ENTPD6: variants seen among roughly 807,000 people sequenced by gnomAD.
ENTPD6 encodes ectonucleoside triphosphate diphosphohydrolase 6, also known as CD39 antigen-like 2.
A neutral mutation model predicts 61.5 loss-of-function variants in ENTPD6; 46 were observed. That is an observed-to-expected ratio of 0.75 (90% CI 0.59 to 0.96). The LOEUF is 0.96. ENTPD6 is among the 40% of genes least tolerant of loss of function. The probability of loss-of-function intolerance (pLI) is 0.00; values close to 1 mark genes in which losing one functional copy is unlikely to be tolerated. For synonymous variants in ENTPD6, 252 were observed against 255.5 expected, an observed-to-expected ratio of 0.99 and a Z score of 0.13; for missense variants, 612 against 629.0, an observed-to-expected ratio of 0.97 and a Z score of 0.29.
In ENTPD6 at chr20:25,225,588, A is replaced by G. The variant is rs1340395840; in HGVS notation, c.1446A>G (p.Pro482=). 2 of 1,613,906 alleles carry G rather than the reference A, an allele frequency of 1.2e-6. No homozygotes were observed. Among genetic ancestry groups the G allele is most frequent in the South Asian group, 1.1e-5 (1 of 91,050 alleles). Residue 482 remains proline (P), a synonymous_variant, in exon 15 of 15, where the codon CCA becomes CCG. Transcript: ENST00000376652. The stretch of plus-strand genomic sequence containing the variant: ...ACTCCCTGAACAGACAGAAGAGTCC[A>G]GCCTCATAGTGGCCGAGCCATCCCT... The part of the protein sequence containing the change: ...YIDSLNRQKS[P]AS
At chr20:25,196,019 C>T (rs1040176431) in intron 1 of ENTPD6, 152 bp downstream of exon 1, 4 of 822,006 alleles carry the variant, frequency 4.9e-6, no homozygotes, top group South Asian at 6.2e-5. Flanking sequence ...GTCCAGGCTC[C>T]ATTAGGGCTC....
At chr20:25,212,805 A>G (rs1413011938) in intron 4 of ENTPD6, among the ~76,000 whole-genome samples, 1 of 152,194 alleles carries the variant, frequency 6.6e-6, no homozygotes, top group African/African-American at 2.4e-5. Context: ...TCCTGGGTTC[A>G]TGCCATTCTC....
intron 4 of ENTPD6, among the ~76,000 whole-genome samples, chr20:25,210,226 A>G (rs1213314214): frequency 6.6e-6 from 1 of 152,260 alleles, no homozygotes. Context: ...ACTTACAAAA[A>G]TCATTATTTG....
At chr20:25,221,467 CTGGAAGTGAAGGTGGTT>C in intron 11 of ENTPD6, 134 bp downstream of exon 11, 1 of 743,212 alleles carries the variant, frequency 1.3e-6, no homozygotes, top group South Asian at 1.5e-5. Context: ...TGTACCTGCC[CTGGAAGTGAAGGTGGTT>C]TGGCTGCAGG....
intron 1 of ENTPD6, among the ~76,000 whole-genome samples, chr20:25,198,277 A>G (rs1002374881): frequency 6.6e-6 from 1 of 152,278 alleles, no homozygotes; most frequent in Admixed American, 6.5e-5. Context: ...GGAGTTCGAG[A>G]CCAGCCTGGC....
rs189754014 is a variant in ENTPD6 at position 25,227,032 on chromosome 20, G to A, written c.*1435G>A. Among the ~76,000 whole-genome samples the A allele has an allele frequency of 2.8e-4, 43 of 152,366 alleles. No individual in the cohort carries two copies. The highest frequency in any genetic ancestry group is 2.3e-3 in the Admixed American group (35 of 15,310). On this transcript the variant is annotated 3_prime_UTR_variant, in exon 15 of 15. Transcript: ENST00000376652. ...GAGCTGCAAGTCCCCATGTCATTCT[G>A]TTCAGCAAGGATCTGGTTTTGGTCT...
intron 1 of ENTPD6, among the ~76,000 whole-genome samples, chr20:25,200,728 TG>T (rs1418817630): frequency 6.6e-6 from 1 of 152,184 alleles, no homozygotes; most frequent in Non-Finnish European, 1.5e-5. Flanking sequence ...TGTTGATTTT[TG>T]AAGAATCAAA....
intron 7 of ENTPD6, 107 bp downstream of exon 7, chr20:25,215,818 C>CTGAGGGGTTAT: frequency 1.6e-6 from 2 of 1,242,854 alleles, no homozygotes; most frequent in Non-Finnish European, 1.2e-6. Context: ...TAAGATAACC[C>CTGAGGGGTTAT]CTCAGGGTTT....
At chr20:25,205,102 A>G (rs897220046) in intron 1 of ENTPD6, among the ~76,000 whole-genome samples, 1 of 152,034 alleles carries the variant, frequency 6.6e-6, no homozygotes, top group Admixed American at 6.6e-5. Flanking sequence ...AGCCTCTTCC[A>G]TTCTAGAGAA....
Position 25,226,959 on chromosome 20 carries a change from A to G in ENTPD6, c.*1362A>G, listed in dbSNP as rs2092807421. 6.6e-6 allele frequency among the ~76,000 whole-genome samples: 1 copy of G among 152,250 alleles called. No individual in the cohort carries two copies. The highest frequency in any genetic ancestry group is 2.4e-5 in the African/African-American group (1 of 41,464). On this transcript the variant is annotated 3_prime_UTR_variant, in exon 15 of 15. Coordinates refer to ENST00000376652, the MANE Select transcript of ENTPD6 (RefSeq NM_001247.5). ...AGCACAGCTCCTCCTGTGCCAGGCC[A>G]GCAGCCCACAGCACGGCCAGGTGAG...
intron 4 of ENTPD6, among the ~76,000 whole-genome samples, chr20:25,211,291 T>C (rs2091943194): frequency 6.6e-6 from 1 of 152,240 alleles, no homozygotes; most frequent in South Asian, 2.1e-4. Flanking sequence ...TAGAGTGACC[T>C]TACAGTTAAA....
At chr20:25,197,271 A>G in intron 1 of ENTPD6, 7 of 981,944 alleles carry the variant, frequency 7.1e-6, no homozygotes, top group Non-Finnish European at 8.5e-6. Context: ...GGGACAGGGT[A>G]GCTCCTACCA....
chr20:25,224,071 C>A (rs771418901), intron 12 of ENTPD6, 30 bp from the exon 13 acceptor site: 2 of 1,606,198 alleles, frequency 1.2e-6, no homozygotes, highest in South Asian at 1.1e-5. Context: ...TCACAGTGCT[C>A]CTGCAGACTG....
chr20:25,216,759 G>T, intron 8 of ENTPD6, 23 bp downstream of exon 8: 1 of 1,560,384 alleles, frequency 6.4e-7, no homozygotes, highest in Non-Finnish European at 8.7e-7. Context: ...GCCGACCACA[G>T]CGCTCTTTCC....
intron 12 of ENTPD6, 82 bp from the exon 13 acceptor site, chr20:25,224,019 C>A: frequency 7.4e-7 from 1 of 1,352,656 alleles, no homozygotes; most frequent in Non-Finnish European, 1.0e-6. Flanking sequence ...CTTGGGCTGG[C>A]GTTCCCCGTG....
At chr20:25,222,227 C>A (rs6037061) in intron 11 of ENTPD6, 2 of 153,086 alleles carry the variant, frequency 1.3e-5, no homozygotes, top group Non-Finnish European at 2.9e-5. Flanking sequence ...GAAATGAGAT[C>A]GAAGGGTTGG....
At chr20:25,209,694 G>A (rs1433290147) in intron 3 of ENTPD6, among the ~76,000 whole-genome samples, 155 bp from the exon 4 acceptor site, 1 of 152,158 alleles carries the variant, frequency 6.6e-6, no homozygotes, top group Admixed American at 6.5e-5. Flanking sequence ...TGAACAAAGA[G>A]TCAGAATTTA....
chr20:25,206,099 C>T (rs1241741329), intron 1 of ENTPD6, among the ~76,000 whole-genome samples: 1 of 152,238 alleles, frequency 6.6e-6, no homozygotes, highest in Non-Finnish European at 1.5e-5. Flanking sequence ...CCCACAGTCA[C>T]GAGGGGCTCT....
At chr20:25,208,646 A>G (rs1191944500) in intron 3 of ENTPD6, among the ~76,000 whole-genome samples, 3 of 152,166 alleles carry the variant, frequency 2.0e-5, no homozygotes, top group Non-Finnish European at 2.9e-5. Flanking sequence ...TGAATTTAGT[A>G]TGCCTCCTTA....
Sources: allele counts gnomAD v4.1 joint callset (sites outside exome capture counted in the v4.1 genomes callset), GRCh38; gene constraint gnomAD v4.1.1; transcripts MANE v1.5; gene names NCBI Gene and HGNC (gene_info 2026-07-23, HGNC 2026-07-21).